MAST4: variants seen among roughly 807,000 people sequenced by gnomAD.
MAST4 encodes microtubule associated serine/threonine kinase family member 4, also known as microtubule-associated serine/threonine-protein kinase 4.
A neutral mutation model predicts 162.7 loss-of-function variants in MAST4; 89 were observed. The ratio of observed to expected loss-of-function variants is 0.55; its 90% CI spans 0.46 to 0.65. The LOEUF is 0.65. Ranked by LOEUF, MAST4 falls within the 30% of genes least tolerant of loss-of-function variation. The pLI is 0.00. For missense variants in MAST4, 3,153 were observed against 3,374.0 expected (o/e 0.93, Z 1.62); for synonymous variants, 1,479 against 1,361.1 (o/e 1.09, Z -1.91).
intron 1 of MAST4, among the ~76,000 whole-genome samples, chr5:66,609,279 C>T (rs909392820): frequency 6.6e-6 from 1 of 152,010 alleles, no homozygotes; most frequent in African/African-American, 2.4e-5. Flanking sequence ...CCTGGGCAGC[C>T]AGGGCTTTCC....
At position 66,957,814 on chromosome 5, in the gene MAST4, G is replaced by C. The variant is rs1745506087; in HGVS notation, c.674+57832G>C. On this transcript the variant is annotated intron_variant, in intron 4 of 28. Transcript: ENST00000403625. ...AGACTTCGTGAAAATGAGAAAAATG[G>C]AGTGGAAGCAGCCCAGAGCCAGGTG... Among the ~76,000 whole-genome samples, 5 of 152,196 alleles carry C rather than the reference G, an allele frequency of 3.3e-5. No individual in the cohort carries two copies. In the South Asian group the frequency reaches 1.0e-3, roughly 31 times the overall value.
At chr5:66,626,208 T>A (rs1744417251) in intron 1 of MAST4, among the ~76,000 whole-genome samples, 1 of 152,066 alleles carries the variant, frequency 6.6e-6, no homozygotes, top group African/African-American at 2.4e-5. Context: ...GAAGATAATA[T>A]TTTATTATAT....
At chr5:66,746,192 A>G (rs945991403) in intron 1 of MAST4, among the ~76,000 whole-genome samples, 3 of 152,230 alleles carry the variant, frequency 2.0e-5, no homozygotes, top group Non-Finnish European at 4.4e-5. Context: ...TAGAAACCCT[A>G]GAAACTACTT....
intron 5 of MAST4, among the ~76,000 whole-genome samples, chr5:67,084,606 T>G (rs999077856): frequency 6.6e-6 from 1 of 152,202 alleles, no homozygotes; most frequent in African/African-American, 2.4e-5. Flanking sequence ...GATATATAAC[T>G]GGAGTTTATC....
At chr5:66,848,031 G>T (rs573224343) in intron 3 of MAST4, among the ~76,000 whole-genome samples, 1 of 152,168 alleles carries the variant, frequency 6.6e-6, no homozygotes, top group African/African-American at 2.4e-5. Flanking sequence ...TGTTGCCCCA[G>T]TGGATAAATC....
intron 12 of MAST4, among the ~76,000 whole-genome samples, chr5:67,117,631 T>C (rs536590784): frequency 6.6e-6 from 1 of 152,064 alleles, no homozygotes; most frequent in Non-Finnish European, 1.5e-5. Context: ...GCATGTTCAA[T>C]TTTGAAAAAT....
intron 4 of MAST4, chr5:66,959,085 C>G: frequency 1.6e-6 from 1 of 629,178 alleles, no homozygotes; most frequent in South Asian, 1.8e-5. Context: ...CTCTTGATTA[C>G]GGCTAGAGGT....
chr5:66,955,657 A>G (rs79666942), intron 4 of MAST4, among the ~76,000 whole-genome samples: 10,462 of 152,232 alleles, frequency 0.069, 1,120 homozygotes, highest in African/African-American at 0.23. Context: ...AGCAAACTCT[A>G]TATGTATTAC....
rs181427358 is a variant in MAST4, at chr5:67,094,271, C to T, written c.834-1326C>T. The T allele has an allele frequency of 2.1e-5, 13 of 619,552 alleles. No homozygotes were observed. The Admixed American group carries it at 4.2e-4, about 20-fold the overall frequency. 38.4% of individuals were successfully genotyped at this position (619,552 alleles called of 1,614,324 possible). A position where few individuals can be genotyped will look rare whatever the true frequency, so the allele number is the denominator to read the frequency against. Reference sequence around the variant, plus strand: ...ATTTGCATTTATTGGAGGTTACACCCATGGCAGCCTATAATTTTATTTTCC... The same window carrying T: ...ATTTGCATTTATTGGAGGTTACACCTATGGCAGCCTATAATTTTATTTTCC... On this transcript the variant is annotated intron_variant, in intron 6 of 28. Transcript: ENST00000403625.
At chr5:66,964,568 G>A (rs1746440275) in intron 4 of MAST4, among the ~76,000 whole-genome samples, 1 of 152,164 alleles carries the variant, frequency 6.6e-6, no homozygotes, top group African/African-American at 2.4e-5. Flanking sequence ...TTGGGAGGTC[G>A]AGGCGGGCAG....
intron 1 of MAST4, among the ~76,000 whole-genome samples, chr5:66,751,376 G>T (rs1753156671): frequency 6.6e-6 from 1 of 152,108 alleles, no homozygotes; most frequent in Admixed American, 6.5e-5. Flanking sequence ...CAAACCAAAG[G>T]CAAAGAAGTT....
In MAST4 at chr5:66,706,144, G is replaced by A. The variant is rs375087529; in HGVS notation, c.364-53565G>A. ...TCACAAAATCTAGCCCCGCCCCCCA[G>A]ATGTTGCTAGTTAAGTTGATCCAGG... On this transcript the variant is annotated intron_variant, in intron 1 of 28. Coordinates refer to ENST00000403625, the MANE Select transcript of MAST4 (RefSeq NM_001164664.2). 3.7e-4 allele frequency among the ~76,000 whole-genome samples: 57 copies of A among 152,254 alleles called. 1 individual carries two copies. Among genetic ancestry groups the A allele is most frequent in the African/African-American group, 1.2e-3 (51 of 41,562 alleles).
At chr5:66,908,157 T>C (rs977324710) in intron 4 of MAST4, among the ~76,000 whole-genome samples, 3 of 152,242 alleles carry the variant, frequency 2.0e-5, no homozygotes, top group Non-Finnish European at 2.9e-5. Flanking sequence ...AGAATGTCAA[T>C]TGCATTTATG....
At chr5:66,771,629 C>G (rs1048039890) in intron 2 of MAST4, among the ~76,000 whole-genome samples, 1 of 152,118 alleles carries the variant, frequency 6.6e-6, no homozygotes, top group Non-Finnish European at 1.5e-5. Context: ...TAGGTTCTAG[C>G]GTGATTCTAC....
At position 67,110,100 on chromosome 5, in the gene MAST4, T is replaced by A. The variant is rs1239965756; in HGVS notation, c.1359T>A (p.Ala453=). 1.9e-6 allele frequency: 3 copies of A among 1,611,148 alleles called. No homozygotes were observed. In the African/African-American group the frequency reaches 4.0e-5, roughly 22 times the overall value. Reference sequence around the variant, plus strand: ...CTCTCTTTATTGCTTTTTCATAGGCTCATGATCGTTCAGAAAGTGGAGAAT... The same window carrying A: ...CTCTCTTTATTGCTTTTTCATAGGCACATGATCGTTCAGAAAGTGGAGAAT... ...QHKLDKLLQE[A]HDRSESGELA... Residue 453 remains alanine, a splice_region_variant and synonymous_variant, in exon 11 of 29, where the codon GCT becomes GCA. Transcript: ENST00000403625.
At chr5:66,741,379 T>G (rs1164349592) in intron 1 of MAST4, among the ~76,000 whole-genome samples, 1 of 152,180 alleles carries the variant, frequency 6.6e-6, no homozygotes, top group Non-Finnish European at 1.5e-5. Context: ...AGATGCTCAG[T>G]GAATTTATAT....
In MAST4 at chr5:66,620,929, C is replaced by A. The variant is rs1428656171; in HGVS notation, c.363+23911C>A. The stretch of plus-strand genomic sequence containing the variant: ...TAAAAGAGATACGGTTTTAATGCAA[C>A]TGTCCCCCCTAATTCAGAGAAAGGG... On this transcript the variant is annotated intron_variant, in intron 1 of 28. Coordinates refer to ENST00000403625, the MANE Select transcript of MAST4 (RefSeq NM_001164664.2). 5.3e-5 allele frequency among the ~76,000 whole-genome samples: 8 copies of A among 152,118 alleles called. 1 individual carries two copies. Among genetic ancestry groups the A allele is most frequent in the Admixed American group, 2.0e-4 (3 of 15,266 alleles).
intron 1 of MAST4, among the ~76,000 whole-genome samples, chr5:66,722,352 A>G (rs889531981): frequency 6.0e-5 from 9 of 150,658 alleles, no homozygotes; most frequent in Admixed American, 2.6e-4. Context: ...AATTCCCTTA[A>G]CTCCTTTAAG....
chr5:66,910,650 T>C (rs1391983444), intron 4 of MAST4, among the ~76,000 whole-genome samples: 2 of 152,080 alleles, frequency 1.3e-5, no homozygotes, highest in Non-Finnish European at 2.9e-5. Context: ...AGGGTTTCTT[T>C]CTCTACTTTT....
Sources: allele counts gnomAD v4.1 joint callset (sites outside exome capture counted in the v4.1 genomes callset), GRCh38; gene constraint gnomAD v4.1.1; transcripts MANE v1.5; gene names NCBI Gene and HGNC (gene_info 2026-07-23, HGNC 2026-07-21).